The following STIM1 variants were observed in gnomAD, a reference collection of about 807,000 sequenced individuals.
STIM1 encodes stromal interaction molecule 1.
Under a neutral mutation model 74.7 loss-of-function variants are expected in STIM1, and 25 were observed. The ratio of observed to expected loss-of-function variants is 0.33; its 90% CI spans 0.24 to 0.47. The LOEUF (loss-of-function observed/expected upper bound fraction) is 0.47. STIM1 is among the 20% of genes least tolerant of loss of function. The pLI, the probability that STIM1 is intolerant of heterozygous loss-of-function variation, is 1.00. For missense variants in STIM1, 728 were observed against 920.8 expected, an observed-to-expected ratio of 0.79 and a Z score of 2.71; for synonymous variants, 328 against 348.8, an observed-to-expected ratio of 0.94 and a Z score of 0.66.
rs373357783 is a variant in STIM1 at position 3,937,500 on chromosome 11, A to AT, written c.140-30047dup. 1.8e-3 allele frequency among the ~76,000 whole-genome samples: 276 copies of AT among 152,248 alleles called. 2 individuals carry two copies. Among genetic ancestry groups the AT allele is most frequent in the African/African-American group, 6.3e-3 (260 of 41,544 alleles). On this transcript the variant is annotated intron_variant, in intron 1 of 12. Transcript: ENST00000526596. ...TCTTATTGGCCTGCTAGCGGGCCCC[A>AT]TTTTTAGCTTCTGTTGGTGTTGCAC... is the stretch of plus-strand genomic sequence containing the variant.
intron 8 of STIM1, 149 bp downstream of exon 8, chr11:4,082,500 G>T: frequency 1.2e-6 from 1 of 861,292 alleles, no homozygotes; most frequent in African/African-American, 1.7e-5. Flanking sequence ...CTAATGTTCA[G>T]CTCCTGACAG....
chr11:3,902,063 T>C, intron 1 of STIM1, among the ~76,000 whole-genome samples: 1 of 152,220 alleles, frequency 6.6e-6, no homozygotes, highest in Non-Finnish European at 1.5e-5. Flanking sequence ...CCAATGTGGC[T>C]GGCCCCCAAC....
intron 2 of STIM1, among the ~76,000 whole-genome samples, chr11:3,991,964 A>AAG (rs1451654172): frequency 2.8e-5 from 3 of 105,314 alleles, no homozygotes; most frequent in Non-Finnish European, 6.4e-5. Context: ...AAAAAAAAAA[A>AAG]AAAAAAAAGA....
At chr11:4,025,958 A>G (rs947937762) in intron 3 of STIM1, among the ~76,000 whole-genome samples, 1 of 152,212 alleles carries the variant, frequency 6.6e-6, no homozygotes, top group Non-Finnish European at 1.5e-5. Context: ...GAATTTGCTC[A>G]CTGTGTGTTA....
intron 2 of STIM1, among the ~76,000 whole-genome samples, chr11:4,000,722 C>A (rs1480284025): frequency 5.9e-5 from 9 of 152,228 alleles, no homozygotes; most frequent in Admixed American, 5.9e-4. Flanking sequence ...AGCAACGGAA[C>A]AAAGCTGGAC....
intron 1 of STIM1, among the ~76,000 whole-genome samples, chr11:3,862,942 GA>G (rs2090683827): frequency 6.6e-6 from 1 of 152,052 alleles, no homozygotes; most frequent in South Asian, 2.1e-4. Flanking sequence ...ACCCAGGCTG[GA>G]GTGCAATGGC....
intron 2 of STIM1, among the ~76,000 whole-genome samples, chr11:3,996,899 A>G (rs947613558): frequency 6.6e-6 from 1 of 152,232 alleles, no homozygotes; most frequent in African/African-American, 2.4e-5. Flanking sequence ...TTCAGCCTAT[A>G]TAAATGTGGC....
intron 1 of STIM1, among the ~76,000 whole-genome samples, chr11:3,883,466 G>A (rs1057345215): frequency 6.6e-6 from 1 of 152,170 alleles, no homozygotes; most frequent in African/African-American, 2.4e-5. Context: ...CAGTTCTCCT[G>A]CCTCAGCCTC....
intron 1 of STIM1, among the ~76,000 whole-genome samples, chr11:3,899,904 C>T (rs1444991619): frequency 6.6e-6 from 1 of 151,938 alleles, no homozygotes; most frequent in Non-Finnish European, 1.5e-5. Context: ...TGATGTGCTA[C>T]TGGATTCGGT....
intron 3 of STIM1, among the ~76,000 whole-genome samples, chr11:4,054,416 C>T (rs901412728): frequency 8.5e-5 from 13 of 152,148 alleles, no homozygotes; most frequent in Admixed American, 7.9e-4. Flanking sequence ...CCCTGGGCCA[C>T]GGACCTGTGT....
intron 1 of STIM1, among the ~76,000 whole-genome samples, chr11:3,956,430 A>G (rs2093213312): frequency 6.6e-6 from 1 of 152,154 alleles, no homozygotes; most frequent in Admixed American, 6.5e-5. Context: ...TTAGAATTGG[A>G]ACTTAACTAG....
At chr11:3,872,025 T>C (rs955246362) in intron 1 of STIM1, among the ~76,000 whole-genome samples, 3 of 152,172 alleles carry the variant, frequency 2.0e-5, no homozygotes, top group African/African-American at 7.2e-5. Context: ...TCTCCTAGGT[T>C]CTCACTCTTC....
At chr11:3,924,057 G>A (rs537391375) in intron 1 of STIM1, among the ~76,000 whole-genome samples, 1 of 151,604 alleles carries the variant, frequency 6.6e-6, no homozygotes, top group South Asian at 2.1e-4. Flanking sequence ...GCCCAGGCTG[G>A]TCTTGAACTT....
At chr11:3,886,161 A>C (rs1295896798) in intron 1 of STIM1, among the ~76,000 whole-genome samples, 2 of 152,228 alleles carry the variant, frequency 1.3e-5, no homozygotes, top group Non-Finnish European at 2.9e-5. Context: ...TTATAGGCCA[A>C]ATATAGGTGC....
At chr11:3,982,493 G>C (rs541053985) in intron 2 of STIM1, among the ~76,000 whole-genome samples, 1 of 152,100 alleles carries the variant, frequency 6.6e-6, no homozygotes, top group Non-Finnish European at 1.5e-5. Context: ...TCTTTAACTC[G>C]TACTACCATT....
intron 12 of STIM1, among the ~76,000 whole-genome samples, chr11:4,090,326 C>T (rs986708574): frequency 3.9e-5 from 6 of 152,178 alleles, no homozygotes; most frequent in African/African-American, 1.4e-4. Context: ...CACAGGAGTC[C>T]AGACCTCTTC....
intron 5 of STIM1, among the ~76,000 whole-genome samples, chr11:4,068,119 C>A (rs997744555): frequency 6.6e-6 from 1 of 152,188 alleles, no homozygotes; most frequent in African/African-American, 2.4e-5. Flanking sequence ...ATAGGTGGAA[C>A]AGTATTACCT....
At chr11:4,072,254 ATCC>A (rs1432873897) in intron 6 of STIM1, among the ~76,000 whole-genome samples, 2 of 152,158 alleles carry the variant, frequency 1.3e-5, no homozygotes, top group East Asian at 1.9e-4. Context: ...GCACACATAT[ATCC>A]TCCTCTGAGT....
intron 3 of STIM1, among the ~76,000 whole-genome samples, chr11:4,038,144 C>A (rs1199718810): frequency 2.6e-5 from 4 of 151,316 alleles, no homozygotes; most frequent in African/African-American, 9.7e-5. Flanking sequence ...AAGAGATTCT[C>A]GTGCCCCAGC....
Sources: gnomAD v4.1 joint callset for allele counts (sites outside exome capture counted in the v4.1 genomes callset) on GRCh38, gnomAD v4.1.1 for gene constraint, MANE v1.5 for transcripts, NCBI Gene and HGNC (gene_info 2026-07-23, HGNC 2026-07-21) for gene names.